GABBR2: variants seen among roughly 807,000 people sequenced by gnomAD.
GABBR2 encodes G-protein coupled receptor 51.
A neutral mutation model predicts 105.6 loss-of-function variants in GABBR2; 23 were observed. The observed-to-expected ratio is 0.22, with a 90% CI of 0.16 to 0.31. The LOEUF (loss-of-function observed/expected upper bound fraction) is 0.31. Ranked by LOEUF, GABBR2 falls within the 10% of genes least tolerant of loss-of-function variation. GABBR2 has a pLI of 1.00. For missense variants in GABBR2, 734 were observed against 1,245.5 expected (o/e 0.59, Z 6.18); for synonymous variants, 478 against 499.7 (o/e 0.96, Z 0.58).
chr9:98,563,193 C>T (rs574476450), intron 2 of GABBR2, among the ~76,000 whole-genome samples: 1 of 151,292 alleles, frequency 6.6e-6, no homozygotes, highest in South Asian at 2.1e-4. Context: ...ATTCATGATG[C>T]TACTTACATT....
At chr9:98,422,514 G>GTGTA (rs149052199) in intron 7 of GABBR2, among the ~76,000 whole-genome samples, 7,070 of 151,864 alleles carry the variant, frequency 0.047, 286 homozygotes, top group East Asian at 0.19. Context: ...GTGTGTGTGT[G>GTGTA]TGTGTGTCTG....
intron 13 of GABBR2, among the ~76,000 whole-genome samples, chr9:98,331,211 C>T (rs1171782545): frequency 6.6e-6 from 1 of 152,092 alleles, no homozygotes; most frequent in African/African-American, 2.4e-5. Flanking sequence ...TATAAACATT[C>T]ATGTCTATGT....
intron 1 of GABBR2, among the ~76,000 whole-genome samples, chr9:98,703,878 T>C (rs1287558581): frequency 6.6e-6 from 1 of 151,936 alleles, no homozygotes; most frequent in Non-Finnish European, 1.5e-5. Flanking sequence ...TTTAGTTAAC[T>C]GTATTGAGAT....
At chr9:98,705,768 T>C (rs1830884340) in intron 1 of GABBR2, among the ~76,000 whole-genome samples, 1 of 152,166 alleles carries the variant, frequency 6.6e-6, no homozygotes, top group Non-Finnish European at 1.5e-5. Context: ...ACTTGTGAAT[T>C]CACAGGAAAT....
chr9:98,324,493 GACACACACACACAC>G (rs3983548), intron 13 of GABBR2, among the ~76,000 whole-genome samples: 10,188 of 143,338 alleles, frequency 0.071, 435 homozygotes, highest in Non-Finnish European at 0.09. Context: ...CTACAGAGCC[GACACACACACACAC>G]ACACACACAC....
chr9:98,672,997 T>G (rs947204296), intron 1 of GABBR2, among the ~76,000 whole-genome samples: 1 of 152,312 alleles, frequency 6.6e-6, no homozygotes, highest in Admixed American at 6.5e-5. Context: ...TAATAAGCAA[T>G]CATTTAGGAA....
chr9:98,306,058 C>G lies in GABBR2; in HGVS notation c.2229+63G>C. On this transcript the variant is annotated intron_variant, in intron 15 of 18. Coordinates refer to ENST00000259455, the MANE Select transcript of GABBR2 (RefSeq NM_005458.8). This position sits in a 1 kb window ranked among gnomAD's most constrained non-coding sequence, Gnocchi z 5.4. ...AAACCTTTTAGAGAATGGAGAAAAGCCAGCAATGCCCCTGTGCTGGAGTCA... is the reference window on the plus strand; with the variant it reads ...AAACCTTTTAGAGAATGGAGAAAAGGCAGCAATGCCCCTGTGCTGGAGTCA... 2 of 1,070,188 alleles carry G rather than the reference C, an allele frequency of 1.9e-6. No homozygotes were observed. The highest frequency in any genetic ancestry group is 2.8e-6 in the Non-Finnish European group (2 of 706,974). The allele number at this position is 1,070,188 out of a possible 1,614,324, so 66.3% of individuals were successfully genotyped here.
chr9:98,642,629 A>G (rs1355955816), intron 1 of GABBR2, among the ~76,000 whole-genome samples: 2 of 152,184 alleles, frequency 1.3e-5, no homozygotes, highest in African/African-American at 4.8e-5. Context: ...ATCCCACCCT[A>G]TGAGTGAGAC....
chr9:98,499,333 CCCT>C (rs1269139192), intron 3 of GABBR2, among the ~76,000 whole-genome samples: 1 of 152,210 alleles, frequency 6.6e-6, no homozygotes, highest in Non-Finnish European at 1.5e-5. Context: ...CTCATCCCTC[CCCT>C]CATTTCACAG....
At chr9:98,563,511 A>G (rs929100598) in intron 2 of GABBR2, among the ~76,000 whole-genome samples, 1 of 152,226 alleles carries the variant, frequency 6.6e-6, no homozygotes, top group Non-Finnish European at 1.5e-5. Flanking sequence ...GGGCCAAAAC[A>G]GCTTTGCTGT....
chr9:98,330,470 C>T (rs1295453999), intron 13 of GABBR2, among the ~76,000 whole-genome samples: 1 of 152,200 alleles, frequency 6.6e-6, no homozygotes, highest in Non-Finnish European at 1.5e-5. Flanking sequence ...ACTGCTGGAC[C>T]TTTTCAAGAT....
chr9:98,673,937 T>C (rs1411099479), intron 1 of GABBR2, among the ~76,000 whole-genome samples: 4 of 152,166 alleles, frequency 2.6e-5, no homozygotes, highest in African/African-American at 4.8e-5. Flanking sequence ...AAAGCCTCGT[T>C]TGAGGCCCAT....
intron 7 of GABBR2, among the ~76,000 whole-genome samples, chr9:98,436,352 T>TCC (rs1564068211): frequency 0.017 from 30 of 1,734 alleles, 3 homozygotes; most frequent in South Asian, 0.083. Flanking sequence ...ACACACCATA[T>TCC]ATATATATAT....
At chr9:98,547,040 G>A (rs1285485645) in intron 2 of GABBR2, among the ~76,000 whole-genome samples, 1 of 120,078 alleles carries the variant, frequency 8.3e-6, no homozygotes, top group Non-Finnish European at 1.9e-5. Flanking sequence ...ACTACAAAGT[G>A]ATGCAGAGGA....
Position 98,607,703 on chromosome 9 carries a change from T to G in GABBR2, c.322-29631A>C, listed in dbSNP as rs571241936. The G allele has an allele frequency of 7.6e-5, 58 of 760,884 alleles. 1 individual carries two copies. In the South Asian group the frequency reaches 8.3e-4, roughly 11 times the overall value. 47.1% of individuals were successfully genotyped at this position (760,884 alleles called of 1,614,324 possible). Reference sequence around the variant, plus strand: ...AGAAATATGTTGATAAGAACACACATGCAGGACTTGAAAGAGGTTACTAAT... The same window carrying G: ...AGAAATATGTTGATAAGAACACACAGGCAGGACTTGAAAGAGGTTACTAAT... On this transcript the variant is annotated intron_variant, in intron 1 of 18. Transcript: ENST00000259455.
chr9:98,534,699 G>A (rs182053371), intron 3 of GABBR2, among the ~76,000 whole-genome samples: 1 of 152,328 alleles, frequency 6.6e-6, no homozygotes, highest in East Asian at 1.9e-4. Flanking sequence ...CTATTAGAAT[G>A]GCCAAACTCC....
At chr9:98,554,281 A>T (rs1364554994) in intron 2 of GABBR2, among the ~76,000 whole-genome samples, 1 of 152,068 alleles carries the variant, frequency 6.6e-6, no homozygotes, top group Non-Finnish European at 1.5e-5. Flanking sequence ...GGACCGCTTG[A>T]GCCTAGGATT....
intron 11 of GABBR2, among the ~76,000 whole-genome samples, chr9:98,381,992 C>A (rs1831985388): frequency 6.6e-6 from 1 of 152,164 alleles, no homozygotes; most frequent in Non-Finnish European, 1.5e-5. Flanking sequence ...AGCACCTGTG[C>A]TTTCATAGCC....
intron 8 of GABBR2, among the ~76,000 whole-genome samples, chr9:98,401,496 C>T (rs759502780): frequency 1.1e-4 from 16 of 152,220 alleles, no homozygotes; most frequent in South Asian, 2.1e-4. Context: ...TGGGAGGTGT[C>T]GAGGCTAGGG....
Sources: gnomAD v4.1 joint callset for allele counts (sites outside exome capture counted in the v4.1 genomes callset) on GRCh38, gnomAD v4.1.1 for gene constraint, Gnocchi (gnomAD v3.1) non-coding constraint, MANE v1.5 for transcripts, NCBI Gene and HGNC (gene_info 2026-07-23, HGNC 2026-07-21) for gene names.